The following COL8A1 variants were observed in gnomAD, a reference collection of about 807,000 sequenced individuals.
COL8A1 encodes collagen alpha-1(VIII) chain.
COL8A1 carries 21 observed loss-of-function variants against 42.7 expected under a neutral mutation model. The ratio of observed to expected loss-of-function variants is 0.49; its 90% confidence interval spans 0.35 to 0.71. COL8A1 has a LOEUF of 0.71. Among genes scored for constraint, COL8A1 ranks in the 30% least tolerant of loss-of-function variants. The pLI, the probability that COL8A1 is intolerant of heterozygous loss-of-function variation, is 0.01. For missense variants in COL8A1, 788 were observed against 962.4 expected (o/e 0.82, Z 2.40); for synonymous variants, 367 against 369.1 (o/e 0.99, Z 0.06).
chr3:99,708,976 T>C lies in COL8A1; in HGVS notation c.-128-35921T>C, dbSNP rs909612507. ...ATGTTACCTTCCTTAGACTAACCCC[T>C]GGAAGCAACAACACCAAGGCTCTGC... On this transcript the variant is annotated intron_variant, in intron 1 of 3. Coordinates refer to ENST00000652472, the MANE Select transcript of COL8A1 (RefSeq NM_020351.4). Among the ~76,000 whole-genome samples, 32 of 152,166 alleles carry C rather than the reference T, an allele frequency of 2.1e-4. 1 individual carries two copies. Among genetic ancestry groups the C allele is most frequent in the Non-Finnish European group, 1.5e-5 (1 of 67,992 alleles).
At chr3:99,769,375 AG>A (rs1278613572) in intron 2 of COL8A1, among the ~76,000 whole-genome samples, 1 of 152,210 alleles carries the variant, frequency 6.6e-6, no homozygotes, top group Non-Finnish European at 1.5e-5. Context: ...CAAGGTTTCT[AG>A]TTGTTGATAA....
intron 1 of COL8A1, among the ~76,000 whole-genome samples, chr3:99,705,496 C>A (rs1259123537): frequency 2.0e-5 from 3 of 152,224 alleles, no homozygotes; most frequent in Non-Finnish European, 4.4e-5. Context: ...GAAGGGACAG[C>A]AGACCCCTTG....
At chr3:99,711,182 T>C (rs1035568656) in intron 1 of COL8A1, among the ~76,000 whole-genome samples, 12 of 152,268 alleles carry the variant, frequency 7.9e-5, no homozygotes, top group Middle Eastern at 3.4e-3. Context: ...TTACCTCACA[T>C]ATGAAATCAC....
intron 1 of COL8A1, among the ~76,000 whole-genome samples, chr3:99,644,677 T>C (rs1380473786): frequency 6.6e-6 from 1 of 152,254 alleles, no homozygotes; most frequent in Non-Finnish European, 1.5e-5. Flanking sequence ...TAAGTCTTTC[T>C]TGAAGACTGT....
chr3:99,645,118 C>T (rs1438581600), intron 1 of COL8A1, among the ~76,000 whole-genome samples: 5 of 152,190 alleles, frequency 3.3e-5, no homozygotes, highest in African/African-American at 1.2e-4. Context: ...GATCTTCTTC[C>T]AACTAGCATG....
In COL8A1 at chr3:99,790,905, C is replaced by A; in HGVS notation, c.223C>A (p.Pro75Thr). The A allele has an allele frequency of 6.2e-7, 1 of 1,614,124 alleles. No homozygotes were observed. Among genetic ancestry groups the A allele is most frequent in the Non-Finnish European group, 8.5e-7 (1 of 1,179,942 alleles). ...TGGCCTTGCCATGGGCAAGGAGATGCCCCACTTGCAGTATGGCAAAGAGTA... is the reference window on the plus strand; with the variant it reads ...TGGCCTTGCCATGGGCAAGGAGATGACCCACTTGCAGTATGGCAAAGAGTA... Reference protein sequence around the residue: ...KDGLAMGKEMPHLQYGKEYPH... With the variant: ...KDGLAMGKEMTHLQYGKEYPH... The change falls in exon 3 of 4, where the codon CCC (proline) becomes ACC (threonine). Residue 75 changes from proline to threonine, a missense_variant. Pro to Thr is a conservative substitution (Grantham distance 38). Around this residue, in one of 4 missense-constraint regions of COL8A1, gnomAD observed 421 missense variants for 553.1 expected, o/e 0.76. Transcript: ENST00000652472.
chr3:99,770,500 T>C (rs1941557904), intron 2 of COL8A1, among the ~76,000 whole-genome samples: 1 of 152,210 alleles, frequency 6.6e-6, no homozygotes, highest in South Asian at 2.1e-4. Flanking sequence ...TCAACTACCA[T>C]GTGTCAAATG....
chr3:99,755,588 G>C (rs1941238388), intron 2 of COL8A1, among the ~76,000 whole-genome samples: 1 of 152,174 alleles, frequency 6.6e-6, no homozygotes, highest in Admixed American at 6.6e-5. Flanking sequence ...AAGGGAAAGG[G>C]ATAGAGAATG....
intron 1 of COL8A1, among the ~76,000 whole-genome samples, chr3:99,710,685 C>T (rs1042914255): frequency 6.6e-6 from 1 of 152,104 alleles, no homozygotes. Flanking sequence ...ACATGTGGAC[C>T]AGGCATGTGT....
chr3:99,726,043 T>C (rs1424882529), intron 1 of COL8A1, among the ~76,000 whole-genome samples: 3 of 152,120 alleles, frequency 2.0e-5, no homozygotes, highest in Admixed American at 6.6e-5. Context: ...AATGTAAAAG[T>C]GTTCCTATTT....
At chr3:99,754,291 T>C (rs1281676739) in intron 2 of COL8A1, among the ~76,000 whole-genome samples, 15 of 152,174 alleles carry the variant, frequency 9.9e-5, no homozygotes, top group Admixed American at 7.9e-4. Flanking sequence ...AATAAAACCA[T>C]AGTTTACATA....
chr3:99,642,715 T>C (rs1392475136), intron 1 of COL8A1, among the ~76,000 whole-genome samples: 1 of 152,198 alleles, frequency 6.6e-6, no homozygotes, highest in African/African-American at 2.4e-5. Context: ...AAAATCTCTT[T>C]TTAATTCTCA....
At chr3:99,716,278 CT>C (rs1489192646) in intron 1 of COL8A1, among the ~76,000 whole-genome samples, 1 of 152,008 alleles carries the variant, frequency 6.6e-6, no homozygotes, top group Admixed American at 6.6e-5. Flanking sequence ...CAATCTAATT[CT>C]CACATTGGTG....
At chr3:99,712,584 C>T (rs1322779698) in intron 1 of COL8A1, among the ~76,000 whole-genome samples, 1 of 152,070 alleles carries the variant, frequency 6.6e-6, no homozygotes, top group African/African-American at 2.4e-5. Context: ...CTTTTCTGCC[C>T]CATATCTGCA....
intron 2 of COL8A1, among the ~76,000 whole-genome samples, chr3:99,760,604 A>G (rs1399317760): frequency 6.6e-6 from 1 of 152,168 alleles, no homozygotes; most frequent in Non-Finnish European, 1.5e-5. Flanking sequence ...CCTCAAAACC[A>G]TCTGAGTTAA....
intron 1 of COL8A1, among the ~76,000 whole-genome samples, chr3:99,674,234 T>G (rs1292185362): frequency 1.3e-5 from 2 of 151,980 alleles, no homozygotes; most frequent in Admixed American, 6.6e-5. Context: ...TGAGGTAACA[T>G]AAGAACCTTT....
At chr3:99,785,217 A>T (rs1363754924) in intron 2 of COL8A1, among the ~76,000 whole-genome samples, 1 of 152,188 alleles carries the variant, frequency 6.6e-6, no homozygotes, top group Non-Finnish European at 1.5e-5. Flanking sequence ...CAAGTCAAAA[A>T]TATGAGGGCT....
intron 1 of COL8A1, among the ~76,000 whole-genome samples, chr3:99,657,334 C>G (rs1347313024): frequency 1.3e-5 from 2 of 152,140 alleles, no homozygotes; most frequent in Non-Finnish European, 2.9e-5. Flanking sequence ...TTTATTAGAC[C>G]TAGCATGCAC....
intron 1 of COL8A1, among the ~76,000 whole-genome samples, chr3:99,644,642 A>G (rs889737753): frequency 6.6e-6 from 1 of 152,228 alleles, no homozygotes; most frequent in South Asian, 2.1e-4. Flanking sequence ...ATGGCTAAGC[A>G]TCACTGTGAA....
Sources: gnomAD v4.1 joint callset for allele counts (sites outside exome capture counted in the v4.1 genomes callset) on GRCh38, gnomAD v4.1.1 for gene constraint, gnomAD v4.1.1 regional missense constraint, MANE v1.5 for transcripts, NCBI Gene and HGNC (gene_info 2026-07-23, HGNC 2026-07-21) for gene names.